Variants in ABCB6 observed in about 807,000 individuals in gnomAD.
ABCB6 encodes ATP binding cassette subfamily B member 6 (LAN blood group).
A neutral mutation model predicts 99.4 loss-of-function variants in ABCB6; 87 were observed. That is an observed-to-expected ratio of 0.88 (90% CI 0.74 to 1.05). The LOEUF (loss-of-function observed/expected upper bound fraction) is 1.05. ABCB6 is among the 50% of genes least tolerant of loss of function. The pLI is 0.00. For missense variants in ABCB6, 1,050 were observed against 1,097.9 expected, an observed-to-expected ratio of 0.96 and a Z score of 0.62; for synonymous variants, 482 against 447.5, an observed-to-expected ratio of 1.08 and a Z score of -0.97.
At chr2:219,213,776 A>G in intron 9 of ABCB6, 50 bp downstream of exon 9, 1 of 1,613,624 alleles carries the variant, frequency 6.2e-7, no homozygotes, top group Non-Finnish European at 8.5e-7. Context: ...CACAGGCCTC[A>G]GGCCCCCTTT....
chr2:219,210,817 C>G lies in ABCB6; in HGVS notation c.2150G>C (p.Arg717Thr). Residue 717 changes from arginine to threonine, a missense_variant, in exon 16 of 19, where the codon AGG (arginine) becomes ACG (threonine). Coordinates refer to ENST00000265316, the MANE Select transcript of ABCB6 (RefSeq NM_005689.4). ...DAIMAFPEGYRTQVGERGLKL... is the reference protein window; with the variant it reads ...DAIMAFPEGYTTQVGERGLKL... ...CAGTCCCCGCTCGCCCACCTGTGTCCTGTACCCTGTGGATATTACCCACCA... is the reference window on the plus strand; with the variant it reads ...CAGTCCCCGCTCGCCCACCTGTGTCGTGTACCCTGTGGATATTACCCACCA... 6.2e-7 allele frequency: 1 copy of G among 1,613,926 alleles called. No homozygotes were observed. The highest frequency in any genetic ancestry group is 1.1e-5 in the South Asian group (1 of 91,070).
At position 219,210,233 on chromosome 2, in the gene ABCB6, C is replaced by T. The variant is rs1574808110; in HGVS notation, c.2417G>A (p.Gly806Glu). 6.2e-7 allele frequency: 1 copy of T among 1,614,196 alleles called. No individual in the cohort carries two copies. Among genetic ancestry groups the T allele is most frequent in the Non-Finnish European group, 8.5e-7 (1 of 1,180,028 alleles). Residue 806 changes from glycine (G) to glutamate (E), a missense_variant, in exon 18 of 19, where the codon GGA becomes GAA. Gly to Glu is a moderately conservative substitution (Grantham distance 98, BLOSUM62 -2). Coordinates refer to ENST00000265316, the MANE Select transcript of ABCB6 (RefSeq NM_005689.4). ...VIKDGCIVER[G>E]RHEALLSRGG... ...TTTTGATCTATGTGTCTCTTACCGT[C>T]CCCTCTCCACGATGCAGCCATCCTT...
Position 219,209,815 on chromosome 2 carries a change from G to C in ABCB6, c.*123C>G. The C allele has an allele frequency of 2.6e-6, 2 of 783,248 alleles. No homozygotes were observed. The highest frequency in any genetic ancestry group is 4.4e-6 in the Non-Finnish European group (2 of 452,828). 48.5% of individuals were successfully genotyped at this position (783,248 alleles called of 1,614,324 possible). ...TTCCCCAAAAGATGTTTTTCGGAAA[G>C]GTCCCTTTCCCTTACCATAGCTAGC... is the stretch of plus-strand genomic sequence containing the variant. On this transcript the variant is annotated 3_prime_UTR_variant, in exon 19 of 19. Coordinates refer to ENST00000265316, the MANE Select transcript of ABCB6 (RefSeq NM_005689.4).
chr2:219,218,577 G>A lies in ABCB6; in HGVS notation c.97C>T (p.Pro33Ser). 6.2e-7 allele frequency: 1 copy of A among 1,612,580 alleles called. No individual in the cohort carries two copies. The highest frequency in any genetic ancestry group is 8.5e-7 in the Non-Finnish European group (1 of 1,179,644). ...GTCCCCAGAGCCATCCGCGTCGAGGGCACGAGCGTGAAGAAGAAGCAGGGA... is the reference window on the plus strand; with the variant it reads ...GTCCCCAGAGCCATCCGCGTCGAGGACACGAGCGTGAAGAAGAAGCAGGGA... ...LSPCFFFTLV[P>S]STRMALGTLA... The change falls in exon 1 of 19, where the codon CCC becomes TCC. Residue 33 changes from proline (P) to serine (S), a missense_variant. Physicochemically the swap from Pro to Ser is moderately conservative, Grantham distance 74. Transcript: ENST00000265316.
Position 219,216,631 on chromosome 2 carries a change from G to A in ABCB6, c.868+21C>T. The A allele has an allele frequency of 1.9e-6, 3 of 1,548,936 alleles. No individual in the cohort carries two copies. The highest frequency in any genetic ancestry group is 2.6e-6 in the Non-Finnish European group (3 of 1,144,516). ...GGCTGATGAAGGACCAGCACACTGA[G>A]CTGGTGCTCCTCCTGCTCACCAATG... On this transcript the variant is annotated intron_variant, in intron 3 of 18. Transcript: ENST00000265316. The surrounding 1 kb of genome is among the most constrained non-coding windows in gnomAD (Gnocchi z 4.2).
Position 219,218,134 on chromosome 2 carries a change from CA to C in ABCB6, c.539del (p.Leu180TrpfsTer70). On this transcript the variant is annotated frameshift_variant, in exon 1 of 19. Transcript: ENST00000265316. LOFTEE classifies it high-confidence loss of function. ...CCACAGAGTCCCTCACCTGCTGGCC[CA>C]AGTCTGCCCTTGCCCACCACCACTG... ...SPQWWWARAD[L>X]GQQVQFSLWV... 2.5e-6 allele frequency: 4 copies of C among 1,603,902 alleles called. No homozygotes were observed. The South Asian group carries it at 3.3e-5, about 13-fold the overall frequency.
chr2:219,218,604 T>G lies in ABCB6; in HGVS notation c.70A>C (p.Ser24Arg). 1 of 1,612,280 alleles carries G rather than the reference T, an allele frequency of 6.2e-7. No homozygotes were observed. The highest frequency in any genetic ancestry group is 8.5e-7 in the Non-Finnish European group (1 of 1,179,616). ...ACGAGCGTGAAGAAGAAGCAGGGAC[T>G]CAGGCCATCCTGCATCCAGGCCGGA... ...VGPAWMQDGL[S>R]PCFFFTLVPS... The change falls in exon 1 of 19, where the codon AGT becomes CGT. Residue 24 changes from serine to arginine, a missense_variant. Physicochemically the swap from Ser to Arg is moderately radical, Grantham distance 110. Transcript: ENST00000265316.
At chr2:219,211,786 CAG>C (rs1202052269) in intron 14 of ABCB6, among the ~76,000 whole-genome samples, 1 of 126,146 alleles carries the variant, frequency 7.9e-6, no homozygotes, top group African/African-American at 2.9e-5. Context: ...TTTTTTGAGA[CAG>C]AGTCTTGCAC....
chr2:219,218,111 A>G lies in ABCB6; in HGVS notation c.549+14T>C, dbSNP rs1304114815. On this transcript the variant is annotated intron_variant, in intron 1 of 18. Transcript: ENST00000265316. ...GGCCAGCAGAGGCTTCCCCCTTCCC[A>G]CAGAGTCCCTCACCTGCTGGCCCAA... 3.2e-6 allele frequency: 5 copies of G among 1,585,814 alleles called. No individual in the cohort carries two copies. Among genetic ancestry groups the G allele is most frequent in the Admixed American group, 1.8e-5 (1 of 54,804 alleles).
chr2:219,216,557 C>T lies in ABCB6; in HGVS notation c.869-92G>A. 6.5e-7 allele frequency: 1 copy of T among 1,539,710 alleles called. No individual in the cohort carries two copies. Among genetic ancestry groups the T allele is most frequent in the Non-Finnish European group, 8.8e-7 (1 of 1,133,060 alleles). Reference sequence around the variant, plus strand: ...GGTACCAGCCACAGTCTCTTTCTGACCACCCAGCTCTGTCCCACCTCCCTA... The same window carrying T: ...GGTACCAGCCACAGTCTCTTTCTGATCACCCAGCTCTGTCCCACCTCCCTA... On this transcript the variant is annotated intron_variant, in intron 3 of 18. Transcript: ENST00000265316. This position sits in a 1 kb window ranked among gnomAD's most constrained non-coding sequence, Gnocchi z 4.2.
rs1440631970 is a variant in ABCB6, at chr2:219,209,886, C to T, written c.*52G>A. ...TGAAATAAGCCAGGGAAAGGAGACACATCTTATTCCCTTCTGGGTTAGTCT... is the reference window on the plus strand; with the variant it reads ...TGAAATAAGCCAGGGAAAGGAGACATATCTTATTCCCTTCTGGGTTAGTCT... On this transcript the variant is annotated 3_prime_UTR_variant, in exon 19 of 19. Transcript: ENST00000265316. The T allele has an allele frequency of 1.5e-6, 2 of 1,345,990 alleles. No individual in the cohort carries two copies. Among genetic ancestry groups the T allele is most frequent in the African/African-American group, 2.9e-5 (2 of 69,702 alleles). The allele number at this position is 1,345,990 out of a possible 1,614,324, so 83.4% of individuals were successfully genotyped here.
At chr2:219,212,890 A>G (rs1198698971) in intron 13 of ABCB6, 118 bp downstream of exon 13, 1 of 1,168,556 alleles carries the variant, frequency 8.6e-7, no homozygotes, top group Non-Finnish European at 1.3e-6. Context: ...GCACCATTCA[A>G]TCCGGTTGCC....
chr2:219,213,410 C>T, intron 11 of ABCB6, 29 bp downstream of exon 11: 1 of 1,614,162 alleles, frequency 6.2e-7, no homozygotes. Flanking sequence ...TCCTCCCTCC[C>T]CAAACCCTAC....
At chr2:219,210,636 G>A (rs1243582362) in intron 16 of ABCB6, 75 bp downstream of exon 16, 1 of 1,607,884 alleles carries the variant, frequency 6.2e-7, no homozygotes, top group African/African-American at 1.3e-5. Context: ...ATCTGTTCTA[G>A]GTGGGGACAG....
rs1333481662 is a variant in ABCB6 at position 219,218,927 on chromosome 2, G to A, written c.-254C>T. The A allele has an allele frequency of 4.2e-6, 2 of 473,972 alleles. No homozygotes were observed. Among genetic ancestry groups the A allele is most frequent in the African/African-American group, 2.1e-5 (1 of 48,622 alleles). The allele number at this position is 473,972 out of a possible 1,614,324, so 29.4% of individuals were successfully genotyped here. A position where few individuals can be genotyped will look rare whatever the true frequency, so the allele number is the denominator to read the frequency against. Reference sequence around the variant, plus strand: ...ACGGCCCCGCTGGCTCTGGGCCCGGGACCCTCCTGCCAACTGCAGGCCCAC... The same window carrying A: ...ACGGCCCCGCTGGCTCTGGGCCCGGAACCCTCCTGCCAACTGCAGGCCCAC... On this transcript the variant is annotated 5_prime_UTR_variant, in exon 1 of 19. Transcript: ENST00000265316.
At position 219,218,798 on chromosome 2, in the gene ABCB6, G is replaced by C. The variant is rs998901441; in HGVS notation, c.-125C>G. 2.9e-5 allele frequency: 32 copies of C among 1,119,068 alleles called. No homozygotes were observed. In the African/African-American group the frequency reaches 4.3e-4, roughly 15 times the overall value. The allele number at this position is 1,119,068 out of a possible 1,614,324, so 69.3% of individuals were successfully genotyped here. On this transcript the variant is annotated 5_prime_UTR_variant, in exon 1 of 19. Transcript: ENST00000265316. The stretch of plus-strand genomic sequence containing the variant: ...ACGTAGCCGCTGGGCGCCAAGCTGC[G>C]GGGGTCCCGGGAAGGGACGCACGTG...
rs377315693 is a variant in ABCB6 at position 219,210,768 on chromosome 2, C to T, written c.2199G>A (p.Gln733=). The change falls in exon 16 of 19, where the codon CAG becomes CAA. Residue 733 remains glutamine, a synonymous_variant. Coordinates refer to ENST00000265316, the MANE Select transcript of ABCB6 (RefSeq NM_005689.4). The stretch of plus-strand genomic sequence containing the variant: ...GGATGGTGCGGGCAATGGCGACGCG[C>T]TGCTTCTCCCCGCCGCTCAGCTTCA... ...RGLKLSGGEK[Q]RVAIARTILK... is the part of the protein sequence containing the mutation. 3.7e-6 allele frequency: 6 copies of T among 1,613,672 alleles called. No individual in the cohort carries two copies. In the African/African-American group the frequency reaches 8.0e-5, roughly 22 times the overall value.
Position 219,218,156 on chromosome 2 carries a change from CACT to C in ABCB6, c.515_517del (p.Gln172_Trp173delinsArg), listed in dbSNP as rs752334449. The C allele has an allele frequency of 6.2e-7, 1 of 1,611,920 alleles. No homozygotes were observed. The highest frequency in any genetic ancestry group is 8.5e-7 in the Non-Finnish European group (1 of 1,179,182). The stretch of plus-strand genomic sequence containing the variant: ...GCCCAAGTCTGCCCTTGCCCACCAC[CACT>C]GTGGGCTGTTCCAAGACACCAGGGC... On this transcript the variant is annotated inframe_deletion, in exon 1 of 19. Coordinates refer to ENST00000265316, the MANE Select transcript of ABCB6 (RefSeq NM_005689.4).
At chr2:219,212,967 A>G (rs762924312) in intron 13 of ABCB6, 41 bp downstream of exon 13, 1 of 1,606,652 alleles carries the variant, frequency 6.2e-7, no homozygotes, top group African/African-American at 1.3e-5. Flanking sequence ...GAATGAGGGA[A>G]GCTTGAGGCA....
Sources: allele counts gnomAD v4.1 joint callset (sites outside exome capture counted in the v4.1 genomes callset), GRCh38; gene constraint gnomAD v4.1.1; non-coding constraint Gnocchi (gnomAD v3.1); transcripts MANE v1.5; gene names NCBI Gene and HGNC (gene_info 2026-07-23, HGNC 2026-07-21).